SVIL: variants seen among roughly 807,000 people sequenced by gnomAD.
The protein encoded by SVIL is supervillin, also known as archvillin.
Under a neutral mutation model 240.4 loss-of-function variants are expected in SVIL, and 101 were observed. The ratio of observed to expected loss-of-function variants is 0.42; its 90% CI spans 0.36 to 0.50. SVIL has a LOEUF of 0.50. SVIL is among the 20% of genes least tolerant of loss of function. SVIL has a pLI of 0.01. For synonymous variants in SVIL, 999 were observed against 1,100.0 expected (o/e 0.91, Z 1.82); for missense variants, 2,512 against 2,818.7 (o/e 0.89, Z 2.46).
At chr10:29,535,964 C>A in intron 7 of SVIL, 25 bp downstream of exon 7, 3 of 1,613,442 alleles carry the variant, frequency 1.9e-6, no homozygotes, top group Non-Finnish European at 2.5e-6. Context: ...TGCACACAAG[C>A]CCCAGAGGGC....
At chr10:29,580,079 A>G (rs1281906131) in intron 1 of SVIL, among the ~76,000 whole-genome samples, 2 of 152,102 alleles carry the variant, frequency 1.3e-5, no homozygotes, top group African/African-American at 4.8e-5. Flanking sequence ...CTGTAATCCC[A>G]GCACTTTGAG....
At position 29,522,470 on chromosome 10, in the gene SVIL, T is replaced by C. The variant is rs934494405; in HGVS notation, c.3329A>G (p.Lys1110Arg). Residue 1110 changes from lysine (K) to arginine (R), a missense_variant, in exon 16 of 38, where the codon AAA (lysine) becomes AGA (arginine). Coordinates refer to ENST00000355867, the MANE Select transcript of SVIL (RefSeq NM_021738.3). ...PCAMFAAGEI[K>R]TPTGEGLLDS... ...AAGAAGGCCCTCCCCTGTCGGCGTT[T>C]TGATCTCTCCAGCAGCAAACATCGC... 1.9e-6 allele frequency: 3 copies of C among 1,614,090 alleles called. No individual in the cohort carries two copies. In the African/African-American group the frequency reaches 4.0e-5, roughly 22 times the overall value.
At chr10:29,611,781 TCA>T (rs1239740289) in intron 1 of SVIL, among the ~76,000 whole-genome samples, 1 of 152,122 alleles carries the variant, frequency 6.6e-6, no homozygotes, top group Non-Finnish European at 1.5e-5. Context: ...CAGTCAGAAC[TCA>T]GAGTGAATCC....
chr10:29,541,138 T>A (rs1952122482), intron 6 of SVIL, among the ~76,000 whole-genome samples: 1 of 152,236 alleles, frequency 6.6e-6, no homozygotes, highest in Admixed American at 6.5e-5. Flanking sequence ...TTCATGTCTT[T>A]TAATCTTGTG....
chr10:29,657,181 G>A (rs1959032286), intron 3 of SVIL, among the ~76,000 whole-genome samples: 1 of 152,118 alleles, frequency 6.6e-6, no homozygotes, highest in South Asian at 2.1e-4. Context: ...AATTGTTAAT[G>A]TATTTATTAT....
intron 16 of SVIL, among the ~76,000 whole-genome samples, chr10:29,519,870 C>A (rs2182401): frequency 6.6e-6 from 1 of 152,034 alleles, no homozygotes; most frequent in Non-Finnish European, 1.5e-5. Flanking sequence ...GTGTGCTCAC[C>A]CATTCAATTC....
At chr10:29,522,752 C>T in intron 15 of SVIL, 117 bp from the exon 16 acceptor site, 1 of 1,134,650 alleles carries the variant, frequency 8.8e-7, no homozygotes, top group Non-Finnish European at 1.2e-6. Context: ...GCGGGTGACC[C>T]AATCCACTGG....
At chr10:29,669,958 T>A (rs1025458093) in intron 2 of SVIL, among the ~76,000 whole-genome samples, 6 of 151,694 alleles carry the variant, frequency 4.0e-5, no homozygotes, top group Non-Finnish European at 2.9e-5. Context: ...TACAAAAAAA[T>A]TTAAAAATTA....
chr10:29,465,032 C>T (rs144624647), intron 34 of SVIL, among the ~76,000 whole-genome samples: 1 of 152,300 alleles, frequency 6.6e-6, no homozygotes, highest in Non-Finnish European at 1.5e-5. Context: ...CCCCAACATC[C>T]TTCTCCTCTG....
At chr10:29,634,360 A>AGC (rs1958228145) in intron 1 of SVIL, 60 bp downstream of exon 1, 3 of 152,108 alleles carry the variant, frequency 2.0e-5, no homozygotes, top group Admixed American at 6.5e-5. Context: ...AAAAAGCAAA[A>AGC]ACAAAAACAA....
chr10:29,475,451 T>C (rs562893217), intron 29 of SVIL: 1 of 152,336 alleles, frequency 6.6e-6, no homozygotes, highest in East Asian at 1.9e-4. Flanking sequence ...GCTACAATGG[T>C]GAACAAGACA....
chr10:29,643,778 G>GTCAC (rs1310197620), intron 3 of SVIL, among the ~76,000 whole-genome samples: 1 of 152,130 alleles, frequency 6.6e-6, no homozygotes, highest in African/African-American at 2.4e-5. Context: ...TCATCTGTAA[G>GTCAC]TCACTGGCTT....
upstream of SVIL, among the ~76,000 whole-genome samples, chr10:29,636,117 T>C (rs1958303065): frequency 6.6e-6 from 1 of 151,946 alleles, no homozygotes; most frequent in Non-Finnish European, 1.5e-5. Flanking sequence ...TTTTTTTTTT[T>C]ACCCATCTCA....
chr10:29,725,500 C>T (rs1964236668), intron 1 of SVIL, among the ~76,000 whole-genome samples: 1 of 152,088 alleles, frequency 6.6e-6, no homozygotes, highest in Non-Finnish European at 1.5e-5. Flanking sequence ...TATTCATGCA[C>T]ACAGATGTGT....
At chr10:29,733,224 T>C (rs1324436589) in intron 1 of SVIL, among the ~76,000 whole-genome samples, 1 of 152,262 alleles carries the variant, frequency 6.6e-6, no homozygotes, top group Non-Finnish European at 1.5e-5. Flanking sequence ...ATTTGTTGAA[T>C]AGCAACTATG....
intron 6 of SVIL, among the ~76,000 whole-genome samples, chr10:29,543,062 T>C (rs971192123): frequency 2.6e-5 from 4 of 152,200 alleles, no homozygotes; most frequent in Admixed American, 1.3e-4. Flanking sequence ...ACTCCAAAAA[T>C]GGTCCCAGTT....
rs762885221 is a variant in SVIL at position 29,463,610 on chromosome 10, G to A, written c.6159C>T (p.His2053=). 1.1e-5 allele frequency: 17 copies of A among 1,614,012 alleles called. No homozygotes were observed. The highest frequency in any genetic ancestry group is 4.5e-5 in the East Asian group (2 of 44,884). ...ACCAGCCTTGCCAGAGGTACACCTCGTGGTGATTGTCAACAAGGAAAAGTG... is the reference window on the plus strand; with the variant it reads ...ACCAGCCTTGCCAGAGGTACACCTCATGGTGATTGTCAACAAGGAAAAGTG... The part of the protein sequence containing the change: ...QPALFLVDNH[H]EVYLWQGWWP... Residue 2053 remains histidine (H), a synonymous_variant, in exon 35 of 38, where the codon CAC becomes CAT. Coordinates refer to ENST00000355867, the MANE Select transcript of SVIL (RefSeq NM_021738.3).
At chr10:29,476,197 C>G (rs1946175764) in intron 29 of SVIL, among the ~76,000 whole-genome samples, 2 of 152,184 alleles carry the variant, frequency 1.3e-5, no homozygotes, top group Admixed American at 1.3e-4. Context: ...GAATAGCAAT[C>G]CCATTCTTCA....
intron 1 of SVIL, among the ~76,000 whole-genome samples, chr10:29,632,445 T>C (rs557537551): frequency 1.5e-4 from 23 of 150,348 alleles, no homozygotes; most frequent in African/African-American, 5.1e-4. Context: ...GAGCTGAGAT[T>C]GTGTCATTGC....
Sources: allele counts gnomAD v4.1 joint callset (sites outside exome capture counted in the v4.1 genomes callset), GRCh38; gene constraint gnomAD v4.1.1; transcripts MANE v1.5; gene names NCBI Gene and HGNC (gene_info 2026-07-23, HGNC 2026-07-21).